PCLO: variants seen among roughly 807,000 people sequenced by gnomAD.
The protein encoded by PCLO is piccolo presynaptic cytomatrix protein, also known as protein piccolo.
PCLO carries 82 observed loss-of-function variants against 427.5 expected under a neutral mutation model. That is an observed-to-expected ratio of 0.19 (90% CI 0.16 to 0.23). The LOEUF is 0.23. PCLO is among the 10% of genes least tolerant of loss of function. PCLO has a pLI of 1.00. For missense variants in PCLO, 6,239 were observed against 6,115.9 expected (o/e 1.02, Z -0.67); for synonymous variants, 2,357 against 2,155.4 (o/e 1.09, Z -2.59).
At chr7:83,003,988 T>C (rs781103352) in intron 3 of PCLO, among the ~76,000 whole-genome samples, 13 of 151,804 alleles carry the variant, frequency 8.6e-5, no homozygotes, top group Non-Finnish European at 1.3e-4. Context: ...CTTTTCTTTG[T>C]TGGGAAATTG....
intron 22 of PCLO, among the ~76,000 whole-genome samples, chr7:82,783,055 G>T (rs1399179368): frequency 2.0e-5 from 3 of 152,136 alleles, no homozygotes; most frequent in Admixed American, 6.6e-5. Flanking sequence ...GTAAAACTAG[G>T]CCTCAAAGGA....
intron 3 of PCLO, among the ~76,000 whole-genome samples, chr7:83,110,578 T>A (rs1790978016): frequency 6.6e-6 from 1 of 152,134 alleles, no homozygotes; most frequent in Non-Finnish European, 1.5e-5. Context: ...ACAATCCAAT[T>A]TCATAACTTT....
At chr7:82,759,849 G>C (rs1294278116) in intron 24 of PCLO, among the ~76,000 whole-genome samples, 2 of 151,866 alleles carry the variant, frequency 1.3e-5, no homozygotes, top group African/African-American at 4.8e-5. Flanking sequence ...ATTAGTCCTT[G>C]CCCTAGAGAA....
intron 6 of PCLO, among the ~76,000 whole-genome samples, chr7:82,945,661 A>T (rs2116400411): frequency 6.6e-6 from 1 of 152,344 alleles, no homozygotes; most frequent in Admixed American, 6.5e-5. Flanking sequence ...CATGAGCAAT[A>T]ACAACAAAAT....
chr7:82,902,695 G>A lies in PCLO; in HGVS notation c.13484C>T (p.Ala4495Val). The A allele has an allele frequency of 6.2e-7, 1 of 1,601,360 alleles. No homozygotes were observed. The highest frequency in any genetic ancestry group is 8.6e-7 in the Non-Finnish European group (1 of 1,169,508). ...GKTMHYIFPH[A>V]RIKITRDSKD... ...TGAGTCTCTTGTTATTTTTATCCTT[G>A]CGTGAGGAAAGATGTAGTGCATAGT... The change falls in exon 9 of 25, where the codon GCA becomes GTA. Residue 4495 changes from alanine to valine, a missense_variant. Coordinates refer to ENST00000333891, the MANE Select transcript of PCLO (RefSeq NM_033026.6).
At chr7:83,071,571 C>G (rs1789816428) in intron 3 of PCLO, among the ~76,000 whole-genome samples, 1 of 152,164 alleles carries the variant, frequency 6.6e-6, no homozygotes, top group Non-Finnish European at 1.5e-5. Context: ...CCCTCACCCT[C>G]TCTTTCTCTG....
chr7:83,099,983 TA>T (rs56091011), intron 3 of PCLO, among the ~76,000 whole-genome samples: 54,669 of 151,894 alleles, frequency 0.36, 10,659 homozygotes, highest in East Asian at 0.64. Flanking sequence ...TAATTTACTA[TA>T]CTTATTATAT....
chr7:82,924,472 G>A (rs1410555538), intron 6 of PCLO, among the ~76,000 whole-genome samples: 1 of 152,048 alleles, frequency 6.6e-6, no homozygotes, highest in Admixed American at 6.6e-5. Flanking sequence ...ACAACAATGA[G>A]CATACTCAGT....
chr7:82,786,490 A>G (rs1204547224), intron 22 of PCLO, among the ~76,000 whole-genome samples: 1 of 152,146 alleles, frequency 6.6e-6, no homozygotes, highest in Non-Finnish European at 1.5e-5. Context: ...ATATTTCCAT[A>G]TCTCCATATT....
At position 82,845,715 on chromosome 7, in the gene PCLO, G is replaced by A. The variant is rs573792085; in HGVS notation, c.13832-230C>T. Among the ~76,000 whole-genome samples the A allele has an allele frequency of 5.8e-4, 88 of 152,186 alleles. 2 individuals are homozygous for A. Among genetic ancestry groups the A allele is most frequent in the African/African-American group, 2.0e-3 (83 of 41,536 alleles). On this transcript the variant is annotated intron_variant, in intron 12 of 24. Transcript: ENST00000333891. Reference sequence around the variant, plus strand: ...ATTACAGAGGAATAGTGAAGTTCCCGTTGCATCTTCAGAAAAATGTTTTTA... The same window carrying A: ...ATTACAGAGGAATAGTGAAGTTCCCATTGCATCTTCAGAAAAATGTTTTTA...
chr7:82,930,318 G>C (rs1266948157), intron 6 of PCLO, among the ~76,000 whole-genome samples: 1 of 152,088 alleles, frequency 6.6e-6, no homozygotes, highest in Non-Finnish European at 1.5e-5. Context: ...AGCATTAGGA[G>C]GGGAAACTAC....
Position 82,952,283 on chromosome 7 carries a change from C to T in PCLO, c.8670G>A (p.Gln2890=). The change falls in exon 5 of 25, where the codon CAG becomes CAA. Residue 2890 remains glutamine, a synonymous_variant. Coordinates refer to ENST00000333891, the MANE Select transcript of PCLO (RefSeq NM_033026.6). The stretch of plus-strand genomic sequence containing the variant: ...CCACTACTTCCCCATCAGTGATTCC[C>T]TGGGATACGGTGCTATCAGTCCATC... ...TNGWTDSTVS[Q]GITDGEVVDL... is the part of the protein sequence containing the mutation. 1 of 1,613,944 alleles carries T rather than the reference C, an allele frequency of 6.2e-7. No homozygotes were observed. The highest frequency in any genetic ancestry group is 1.1e-5 in the South Asian group (1 of 91,084).
At chr7:82,880,906 G>T (rs1348712293) in intron 9 of PCLO, among the ~76,000 whole-genome samples, 1 of 152,118 alleles carries the variant, frequency 6.6e-6, no homozygotes, top group African/African-American at 2.4e-5. Flanking sequence ...TAACAAATGG[G>T]TTACAAACAT....
Position 82,953,124 on chromosome 7 carries a change from G to A in PCLO, c.7829C>T (p.Ser2610Phe), listed in dbSNP as rs2116438149. ...AITSWPLGSP[S>F]KDLVSVEPVF... ...AGGTTCAACAGAAACCAGATCTTTG[G>A]AGGGTGATCCCAAGGGCCAACTGGT... The change falls in exon 5 of 25, where the codon TCC becomes TTC. Residue 2610 changes from serine to phenylalanine, a missense_variant. Around this residue, in one of 5 missense-constraint regions of PCLO, gnomAD observed 4,677 missense variants for 4,468.4 expected, o/e 1.05. Coordinates refer to ENST00000333891, the MANE Select transcript of PCLO (RefSeq NM_033026.6). 1 of 1,613,950 alleles carries A rather than the reference G, an allele frequency of 6.2e-7. No individual in the cohort carries two copies. Among genetic ancestry groups the A allele is most frequent in the Non-Finnish European group, 8.5e-7 (1 of 1,179,858 alleles).
At chr7:82,837,693 C>A (rs1322689901) in intron 15 of PCLO, among the ~76,000 whole-genome samples, 1 of 151,906 alleles carries the variant, frequency 6.6e-6, no homozygotes, top group Non-Finnish European at 1.5e-5. Flanking sequence ...AAAGTCAATA[C>A]TTCAAATATC....
intron 3 of PCLO, among the ~76,000 whole-genome samples, chr7:83,099,564 T>C (rs1038037312): frequency 2.0e-5 from 3 of 151,928 alleles, no homozygotes; most frequent in Non-Finnish European, 2.9e-5. Flanking sequence ...CATTTTTTTG[T>C]ATTTTTAGTA....
intron 3 of PCLO, among the ~76,000 whole-genome samples, chr7:83,008,415 A>G (rs973338998): frequency 6.6e-6 from 1 of 151,732 alleles, no homozygotes; most frequent in Non-Finnish European, 1.5e-5. Context: ...CTTCCTGTAC[A>G]TGACACATTT....
intron 15 of PCLO, 127 bp downstream of exon 15, chr7:82,838,091 T>C: frequency 4.5e-6 from 3 of 673,462 alleles, no homozygotes; most frequent in Non-Finnish European, 7.3e-6. Context: ...TAAATAAATA[T>C]GACATGTGGA....
chr7:82,760,831 T>A, intron 23 of PCLO, 47 bp from the exon 24 acceptor site: 1 of 1,079,854 alleles, frequency 9.3e-7, no homozygotes, highest in Non-Finnish European at 1.3e-6. Context: ...TCATATAAAT[T>A]TCTATTGAAA....
Sources: gnomAD v4.1 joint callset for allele counts (sites outside exome capture counted in the v4.1 genomes callset) on GRCh38, gnomAD v4.1.1 for gene constraint, gnomAD v4.1.1 regional missense constraint, MANE v1.5 for transcripts, NCBI Gene and HGNC (gene_info 2026-07-23, HGNC 2026-07-21) for gene names.